The following FRMPD3 variants were observed in gnomAD, a reference collection of about 807,000 sequenced individuals.
FRMPD3 encodes FERM and PDZ domain containing 3, also known as FERM and PDZ domain-containing protein 3.
FRMPD3 carries 42 observed loss-of-function variants against 97.9 expected under a neutral mutation model. The ratio of observed to expected loss-of-function variants is 0.43; its 90% CI spans 0.34 to 0.55. The LOEUF (loss-of-function observed/expected upper bound fraction) is 0.55, where lower values mean the gene tolerates loss of function less well. Ranked by LOEUF, FRMPD3 falls within the 20% of genes least tolerant of loss-of-function variation. The probability of loss-of-function intolerance (pLI) is 0.03; values close to 1 mark genes in which losing one functional copy is unlikely to be tolerated. For synonymous variants in FRMPD3, 577 were observed against 581.1 expected, an observed-to-expected ratio of 0.99 and a Z score of 0.10; for missense variants, 1,303 against 1,457.7, an observed-to-expected ratio of 0.89 and a Z score of 1.73.
At chrX:107,475,796 C>T (rs906358259) in intron 1 of FRMPD3, among the ~76,000 whole-genome samples, 4 of 112,340 alleles carry the variant, frequency 3.6e-5, no homozygotes, top group Non-Finnish European at 5.6e-5. Flanking sequence ...TGAGTGCAGC[C>T]GCATATTAAC....
At chrX:107,463,131 G>A (rs1335773113) in intron 1 of FRMPD3, among the ~76,000 whole-genome samples, 2 of 112,359 alleles carry the variant, frequency 1.8e-5, no homozygotes, top group Admixed American at 9.4e-5. Context: ...ATATTAATAT[G>A]TACTTGCTAT....
intron 1 of FRMPD3, among the ~76,000 whole-genome samples, chrX:107,483,272 C>T (rs1403217498): frequency 8.9e-6 from 1 of 112,506 alleles, no homozygotes; most frequent in Non-Finnish European, 1.9e-5. Flanking sequence ...TGAAGGGATA[C>T]ATTTTTCATC....
chrX:107,522,520 G>A (rs1303576164), intron 1 of FRMPD3: 2 of 524,303 alleles, frequency 3.8e-6, no homozygotes, highest in South Asian at 2.6e-5. Context: ...GCAATTGTGG[G>A]TCCTAGCATA....
chrX:107,499,288 G>A (rs1422127436), intron 1 of FRMPD3, among the ~76,000 whole-genome samples: 4 of 111,821 alleles, frequency 3.6e-5, no homozygotes, highest in Non-Finnish European at 7.5e-5. Context: ...AGGTAGCAGA[G>A]GGCATTCTGG....
chrX:107,592,028 C>CCAT (rs201866569), intron 13 of FRMPD3, among the ~76,000 whole-genome samples: 195 of 109,930 alleles, frequency 1.8e-3, no homozygotes, highest in African/African-American at 5.8e-3. Context: ...TTTGGTGTAC[C>CCAT]CATCACCCGA....
Position 107,600,714 on chromosome X carries a change from G to A in FRMPD3, c.2675G>A (p.Ser892Asn). 8.3e-7 allele frequency: 1 copy of A among 1,203,193 alleles called. No individual in the cohort carries two copies. Among genetic ancestry groups the A allele is most frequent in the Non-Finnish European group, 1.1e-6 (1 of 891,389 alleles). ...SPQLSEQKNL[S>N]LLSPVPEDKG... is the part of the protein sequence containing the mutation. ...CAGCTTAGTGAACAGAAGAATCTGA[G>A]TCTGCTGTCCCCAGTTCCTGAGGAC... The change falls in exon 15 of 15, where the codon AGT becomes AAT. Residue 892 changes from serine (S) to asparagine (N), a missense_variant. Physicochemically the swap from Ser to Asn is conservative, Grantham distance 46. Coordinates refer to ENST00000683843, the MANE Select transcript of FRMPD3 (RefSeq NM_001388459.1).
chrX:107,490,320 G>A (rs1921625748), intron 1 of FRMPD3, among the ~76,000 whole-genome samples: 1 of 112,087 alleles, frequency 8.9e-6, no homozygotes. Flanking sequence ...TGGCAGTGCA[G>A]GCTCTTTTTT....
rs1357251149 is a variant in FRMPD3, at chrX:107,602,993, C to G, written c.4954C>G (p.Pro1652Ala). The G allele has an allele frequency of 8.3e-7, 1 of 1,211,296 alleles. No individual in the cohort carries two copies. The highest frequency in any genetic ancestry group is 1.1e-6 in the Non-Finnish European group (1 of 895,505). ...CRRVANVDKS[P>A]THMLAAITGS... is the part of the protein sequence containing the mutation. ...CCGTGTGGCCAATGTGGACAAGAGC[C>G]CAACTCACATGCTGGCAGCCATCAC... Residue 1652 changes from proline (P) to alanine (A), a missense_variant, in exon 15 of 15, where the codon CCA (proline) becomes GCA (alanine). Around this residue, in one of 3 missense-constraint regions of FRMPD3, gnomAD observed 764 missense variants for 820.2 expected, o/e 0.93. Transcript: ENST00000683843.
Position 107,603,400 on chromosome X carries a change from C to A in FRMPD3, c.*27C>A, listed in dbSNP as rs976548519. 33 of 1,123,549 alleles carry A rather than the reference C, an allele frequency of 2.9e-5. No homozygotes were observed. Among genetic ancestry groups the A allele is most frequent in the Non-Finnish European group, 3.6e-5 (31 of 851,113 alleles). 92.6% of individuals were successfully genotyped at this position (1,123,549 alleles called of 1,213,427 possible). ...GCATCTGCCCACACCTGTCCCCCTTCCCCAACCATGGCCCCAGGTTTGAGC... is the reference window on the plus strand; with the variant it reads ...GCATCTGCCCACACCTGTCCCCCTTACCCAACCATGGCCCCAGGTTTGAGC... On this transcript the variant is annotated 3_prime_UTR_variant, in exon 15 of 15. Coordinates refer to ENST00000683843, the MANE Select transcript of FRMPD3 (RefSeq NM_001388459.1).
intron 10 of FRMPD3, 55 bp from the exon 11 acceptor site, chrX:107,563,056 T>G (rs1001153319): frequency 2.1e-6 from 2 of 974,053 alleles, no homozygotes; most frequent in African/African-American, 3.8e-5. Context: ...GAACATGGGT[T>G]TGCTTTTCCT....
chrX:107,573,082 A>G (rs1267488142), intron 12 of FRMPD3, among the ~76,000 whole-genome samples: 1 of 111,260 alleles, frequency 9.0e-6, no homozygotes, highest in Non-Finnish European at 1.9e-5. Context: ...CACAATTTAT[A>G]TAACAAAACA....
chrX:107,480,917 A>G (rs1194363571), intron 1 of FRMPD3, among the ~76,000 whole-genome samples: 5 of 106,368 alleles, frequency 4.7e-5, no homozygotes, highest in African/African-American at 1.0e-4. Context: ...AGAAAGAAAG[A>G]AAGAAAGAAA....
Position 107,600,590 on chromosome X carries a change from C to T in FRMPD3, c.2551C>T (p.Pro851Ser). 8 of 1,209,961 alleles carry T rather than the reference C, an allele frequency of 6.6e-6. No homozygotes were observed. Among genetic ancestry groups the T allele is most frequent in the Non-Finnish European group, 7.8e-6 (7 of 894,912 alleles). ...SLQPIATGQSPGPPGARRKLP... is the reference protein window; with the variant it reads ...SLQPIATGQSSGPPGARRKLP... ...CCAACCCATTGCCACAGGCCAGAGT[C>T]CTGGCCCCCCTGGCGCTCGGAGGAA... The change falls in exon 15 of 15, where the codon CCT (proline) becomes TCT (serine). Residue 851 changes from proline (P) to serine (S), a missense_variant. Coordinates refer to ENST00000683843, the MANE Select transcript of FRMPD3 (RefSeq NM_001388459.1).
intron 1 of FRMPD3, among the ~76,000 whole-genome samples, chrX:107,461,757 TTATACA>T (rs761470965): frequency 0.16 from 14,921 of 91,841 alleles, 1,225 homozygotes; most frequent in African/African-American, 0.22. Context: ...CTGGAATTCA[TTATACA>T]TATACATATA....
intron 1 of FRMPD3, among the ~76,000 whole-genome samples, chrX:107,500,228 A>G (rs1921871937): frequency 8.9e-6 from 1 of 111,956 alleles, no homozygotes; most frequent in Admixed American, 9.5e-5. Context: ...TCCCTCATCC[A>G]TAAGGGGTAC....
intron 3 of FRMPD3, among the ~76,000 whole-genome samples, chrX:107,531,512 T>G (rs1049995913): frequency 2.2e-4 from 25 of 111,235 alleles, no homozygotes; most frequent in African/African-American, 8.2e-4. Flanking sequence ...TCCCTTGCCT[T>G]CAAAGGCAGA....
At chrX:107,576,187 A>G in intron 12 of FRMPD3, 128 bp from the exon 13 acceptor site, 2 of 670,953 alleles carry the variant, frequency 3.0e-6, no homozygotes, top group Non-Finnish European at 4.5e-6. Flanking sequence ...CATGTGCCTC[A>G]ATTTTTGGTT....
intron 6 of FRMPD3, 28 bp downstream of exon 6, chrX:107,550,184 G>A (rs1225788544): frequency 1.0e-6 from 1 of 973,541 alleles, no homozygotes; most frequent in Non-Finnish European, 1.5e-6. Flanking sequence ...CCCCTGGTCA[G>A]CATTGCCCTC....
chrX:107,464,504 T>A (rs1931525824), intron 1 of FRMPD3, among the ~76,000 whole-genome samples: 2 of 111,193 alleles, frequency 1.8e-5, no homozygotes, highest in Admixed American at 1.9e-4. Flanking sequence ...CTAGAAAATG[T>A]CCTAGCCTAT....
Sources: allele counts gnomAD v4.1 joint callset (sites outside exome capture counted in the v4.1 genomes callset), GRCh38; gene constraint gnomAD v4.1.1; regional missense constraint gnomAD v4.1.1; transcripts MANE v1.5; gene names NCBI Gene and HGNC (gene_info 2026-07-23, HGNC 2026-07-21).